Variants in ANXA4 observed in about 807,000 individuals in gnomAD.
ANXA4 encodes 35-beta calcimedin.
Under a neutral mutation model 49.8 loss-of-function variants are expected in ANXA4, and 39 were observed. That is an observed-to-expected ratio of 0.78 (90% CI 0.61 to 1.02). The LOEUF is 1.02. ANXA4 is among the 50% of genes least tolerant of loss of function. The pLI is 0.00. For missense variants in ANXA4, 360 were observed against 410.1 expected (o/e 0.88, Z 1.05); for synonymous variants, 134 against 152.5 (o/e 0.88, Z 0.89).
chr2:69,656,259 GTATA>G (rs1224011201), intron 2 of ANXA4, among the ~76,000 whole-genome samples: 7 of 119,886 alleles, frequency 5.8e-5, no homozygotes, highest in Admixed American at 5.1e-4. Flanking sequence ...ATGTATATAC[GTATA>G]TATATGTATA....
chr2:69,675,752 A>T (rs963749355), intron 2 of ANXA4, among the ~76,000 whole-genome samples: 1 of 152,178 alleles, frequency 6.6e-6, no homozygotes, highest in African/African-American at 2.4e-5. Context: ...CTGTATGCTT[A>T]AAAATGGTTA....
At chr2:69,672,100 A>G (rs928905195) in intron 2 of ANXA4, among the ~76,000 whole-genome samples, 2 of 152,232 alleles carry the variant, frequency 1.3e-5, no homozygotes, top group African/African-American at 4.8e-5. Context: ...ATATAATTGG[A>G]AGCAACCCAT....
intron 1 of ANXA4, among the ~76,000 whole-genome samples, chr2:69,764,359 CATGAT>C (rs1671420361): frequency 2.0e-5 from 3 of 152,294 alleles, no homozygotes; most frequent in African/African-American, 7.2e-5. Context: ...GATCAGGAAA[CATGAT>C]ATAACCCTAA....
At chr2:69,703,333 G>A (rs1678392045) in intron 2 of ANXA4, among the ~76,000 whole-genome samples, 1 of 151,738 alleles carries the variant, frequency 6.6e-6, no homozygotes, top group Non-Finnish European at 1.5e-5. Context: ...TATATTCACA[G>A]TTGTGCAATC....
chr2:69,811,899 T>C (rs985394549), intron 7 of ANXA4, among the ~76,000 whole-genome samples: 2 of 152,162 alleles, frequency 1.3e-5, no homozygotes, highest in Non-Finnish European at 2.9e-5. Flanking sequence ...TGATGAGCCA[T>C]GCCTAGACCA....
At chr2:69,811,390 C>G (rs1357834987) in intron 7 of ANXA4, 1 of 152,452 alleles carries the variant, frequency 6.6e-6, no homozygotes, top group Admixed American at 6.5e-5. Context: ...GCTGCACTTT[C>G]AGAAGAGTAA....
intron 1 of ANXA4, among the ~76,000 whole-genome samples, chr2:69,752,766 A>G (rs1380045415): frequency 6.6e-6 from 1 of 152,168 alleles, no homozygotes; most frequent in East Asian, 1.9e-4. Flanking sequence ...ACAATTTCCC[A>G]TGGCCTAGAA....
intron 3 of ANXA4, among the ~76,000 whole-genome samples, chr2:69,722,776 A>G (rs1669847607): frequency 6.6e-6 from 1 of 152,154 alleles, no homozygotes; most frequent in African/African-American, 2.4e-5. Context: ...ATTTTATGTT[A>G]TATGTATTTA....
At chr2:69,671,514 C>G (rs1035352278) in intron 2 of ANXA4, among the ~76,000 whole-genome samples, 1 of 152,154 alleles carries the variant, frequency 6.6e-6, no homozygotes, top group Non-Finnish European at 1.5e-5. Flanking sequence ...GTCAGGAGTT[C>G]TAGACTACCC....
At chr2:69,685,421 A>G (rs1677753451) in intron 2 of ANXA4, among the ~76,000 whole-genome samples, 1 of 152,208 alleles carries the variant, frequency 6.6e-6, no homozygotes, top group Admixed American at 6.5e-5. Context: ...CACTGAATGA[A>G]TTAGAAACCA....
Position 69,684,182 on chromosome 2 carries a change from T to C in ANXA4, n.766+30900T>C, listed in dbSNP as rs116843971. 2.7e-4 allele frequency among the ~76,000 whole-genome samples: 41 copies of C among 152,336 alleles called. No individual in the cohort carries two copies. The East Asian group carries it at 7.9e-3, about 29-fold the overall frequency. On this transcript the variant is annotated intron_variant and non_coding_transcript_variant, in intron 2 of 3. Transcript: ENST00000418066. ...AATTAATTGAAAAGCTTAAGACTAC[T>C]CTATACCATGCTTCACTTTAGAAAG...
At chr2:69,791,491 A>T (rs779467188) in intron 3 of ANXA4, among the ~76,000 whole-genome samples, 1 of 152,244 alleles carries the variant, frequency 6.6e-6, no homozygotes, top group Admixed American at 6.5e-5. Flanking sequence ...AGACATAAAC[A>T]TGCTCCAAAC....
rs997312192 is a variant in ANXA4 at position 69,652,732 on chromosome 2, G to A, written n.482-266G>A. On this transcript the variant is annotated intron_variant and non_coding_transcript_variant, in intron 1 of 3. Coordinates refer to the ANXA4 transcript ENST00000418066. ...AAATTAGTCAGGCATGGTGGCAGGT[G>A]CCTGTAATCCCAGCTACTCAGGAGG... is the stretch of plus-strand genomic sequence containing the variant. 3.9e-5 allele frequency among the ~76,000 whole-genome samples: 6 copies of A among 152,170 alleles called. No individual in the cohort carries two copies. In the South Asian group the frequency reaches 6.2e-4, roughly 16 times the overall value.
chr2:69,678,554 G>A (rs1201730235), intron 2 of ANXA4, among the ~76,000 whole-genome samples: 3 of 151,276 alleles, frequency 2.0e-5, no homozygotes, highest in South Asian at 4.2e-4. Flanking sequence ...GCACCACACC[G>A]GGCTAATTTT....
chr2:69,816,336 A>G (rs923629381), intron 9 of ANXA4, 142 bp downstream of exon 9: 1 of 643,526 alleles, frequency 1.6e-6, no homozygotes, highest in African/African-American at 1.8e-5. Flanking sequence ...TCACCCTGGA[A>G]ATGTATTAGT....
chr2:69,753,608 T>C (rs1251176366), intron 1 of ANXA4, among the ~76,000 whole-genome samples: 1 of 152,214 alleles, frequency 6.6e-6, no homozygotes, highest in Non-Finnish European at 1.5e-5. Context: ...GCTGACTCTG[T>C]CTTTTTAGCC....
intron 1 of ANXA4, among the ~76,000 whole-genome samples, chr2:69,765,052 A>G (rs775769224): frequency 1.3e-5 from 2 of 151,478 alleles, no homozygotes; most frequent in Non-Finnish European, 2.9e-5. Flanking sequence ...TCCACTGTAT[A>G]TATTCCACTG....
At chr2:69,774,587 A>C (rs556699146) in intron 1 of ANXA4, among the ~76,000 whole-genome samples, 100 of 149,268 alleles carry the variant, frequency 6.7e-4, no homozygotes, top group Non-Finnish European at 1.1e-3. Flanking sequence ...TAGTCCACCC[A>C]CCTCGGCCTC....
chr2:69,743,016 GTT>G (rs1670463714), intron 1 of ANXA4, among the ~76,000 whole-genome samples: 1 of 152,110 alleles, frequency 6.6e-6, no homozygotes, highest in South Asian at 2.1e-4. Flanking sequence ...TTAATTTTTT[GTT>G]TTGTTTTGTT....
Sources: allele counts gnomAD v4.1 joint callset (sites outside exome capture counted in the v4.1 genomes callset), GRCh38; gene constraint gnomAD v4.1.1; transcripts MANE v1.5; gene names NCBI Gene and HGNC (gene_info 2026-07-23, HGNC 2026-07-21).